MCF2L2: variants seen among roughly 807,000 people sequenced by gnomAD.
MCF2L2 encodes MCF.2 cell line derived transforming sequence-like 2, also known as probable guanine nucleotide exchange factor MCF2L2.
In MCF2L2, 102 loss-of-function variants were observed where a neutral mutation model predicts 150.2. The observed-to-expected ratio is 0.68, with a 90% CI of 0.58 to 0.80. MCF2L2 has a LOEUF of 0.80. Among genes scored for constraint, MCF2L2 ranks in the 30% least tolerant of loss-of-function variants. MCF2L2 has a pLI of 0.00. For synonymous variants in MCF2L2, 465 were observed against 491.3 expected, an observed-to-expected ratio of 0.95 and a Z score of 0.71; for missense variants, 1,256 against 1,372.8, an observed-to-expected ratio of 0.91 and a Z score of 1.34.
At chr3:183,347,109 T>C (rs755071747) in intron 3 of MCF2L2, among the ~76,000 whole-genome samples, 1 of 151,846 alleles carries the variant, frequency 6.6e-6, no homozygotes, top group African/African-American at 2.4e-5. Context: ...AAGACAATCC[T>C]AGCCAAAACA....
At chr3:183,192,834 T>C (rs1376927247) in intron 27 of MCF2L2, 165 bp downstream of exon 27, 5 of 561,604 alleles carry the variant, frequency 8.9e-6, no homozygotes, top group Non-Finnish European at 1.6e-5. Flanking sequence ...CACAAATGAA[T>C]AGCAGGAAAT....
At chr3:183,213,657 T>C (rs75677427) in intron 22 of MCF2L2, among the ~76,000 whole-genome samples, 2 of 152,058 alleles carry the variant, frequency 1.3e-5, no homozygotes, top group African/African-American at 4.8e-5. Context: ...TTAGAGGCAG[T>C]TGTCAGTCAA....
chr3:183,409,828 T>A (rs1006240178), intron 1 of MCF2L2, among the ~76,000 whole-genome samples: 33 of 152,200 alleles, frequency 2.2e-4, no homozygotes, highest in African/African-American at 8.0e-4. Context: ...AGTGCTAGGA[T>A]TACAAGCGTG....
At chr3:183,370,077 A>T (rs1223372022) in intron 3 of MCF2L2, among the ~76,000 whole-genome samples, 1 of 152,164 alleles carries the variant, frequency 6.6e-6, no homozygotes, top group East Asian at 1.9e-4. Flanking sequence ...GAGGCAGCCA[A>T]ATGCCCAGGC....
chr3:183,245,612 G>C (rs1011589504), intron 15 of MCF2L2, among the ~76,000 whole-genome samples: 1 of 151,972 alleles, frequency 6.6e-6, no homozygotes, highest in Non-Finnish European at 1.5e-5. Flanking sequence ...CTGAGGGCTC[G>C]GTCTCAATAC....
intron 13 of MCF2L2, among the ~76,000 whole-genome samples, chr3:183,292,844 G>T (rs1435087987): frequency 1.3e-5 from 2 of 151,912 alleles, no homozygotes; most frequent in African/African-American, 4.8e-5. Context: ...TCCCCAGTCT[G>T]GTGAAAAACA....
chr3:183,179,200 C>G lies in MCF2L2; in HGVS notation c.*180G>C. The G allele has an allele frequency of 1.2e-6, 1 of 819,968 alleles. No individual in the cohort carries two copies. The highest frequency in any genetic ancestry group is 1.7e-6 in the Non-Finnish European group (1 of 588,598). 50.8% of individuals were successfully genotyped at this position (819,968 alleles called of 1,614,324 possible). A position where few individuals can be genotyped will look rare whatever the true frequency, so the allele number is the denominator to read the frequency against. On this transcript the variant is annotated 3_prime_UTR_variant, in exon 30 of 30. Transcript: ENST00000328913. This position sits in a 1 kb window ranked among gnomAD's most constrained non-coding sequence, Gnocchi z 4.2. ...CAGCTCCGAGGTCCCCCGTGCGGAG[C>G]TAGGCGCGCACCCAGGACACCCCTC...
chr3:183,202,529 C>T (rs1722325681), intron 25 of MCF2L2, among the ~76,000 whole-genome samples: 1 of 152,212 alleles, frequency 6.6e-6, no homozygotes, highest in East Asian at 1.9e-4. Flanking sequence ...GAAAGCTAGG[C>T]TAGAACTGTC....
intron 15 of MCF2L2, among the ~76,000 whole-genome samples, chr3:183,247,427 A>G (rs1724308060): frequency 2.0e-5 from 3 of 152,230 alleles, no homozygotes; most frequent in Admixed American, 1.3e-4. Flanking sequence ...ATATAACAAG[A>G]CATGGTATGA....
At chr3:183,425,734 C>T (rs1409979437) in intron 1 of MCF2L2, among the ~76,000 whole-genome samples, 2 of 152,160 alleles carry the variant, frequency 1.3e-5, no homozygotes, top group Admixed American at 1.3e-4. Flanking sequence ...AGACGGATCA[C>T]CCGAGGTCAG....
chr3:183,342,587 A>G (rs1357201643), intron 3 of MCF2L2, among the ~76,000 whole-genome samples: 1 of 151,744 alleles, frequency 6.6e-6, no homozygotes, highest in South Asian at 2.1e-4. Context: ...ATAATAAAAT[A>G]GTATCTACCT....
intron 21 of MCF2L2, among the ~76,000 whole-genome samples, chr3:183,216,409 T>C (rs999627544): frequency 7.0e-6 from 1 of 142,762 alleles, no homozygotes; most frequent in Non-Finnish European, 1.5e-5. Context: ...ATTCTATATG[T>C]TTCTTATGTG....
intron 22 of MCF2L2, 112 bp downstream of exon 22, chr3:183,215,857 T>G: frequency 7.6e-7 from 1 of 1,310,848 alleles, no homozygotes; most frequent in African/African-American, 1.5e-5. Context: ...GTCCTCAGAG[T>G]CCAATTCCTT....
chr3:183,223,472 A>G (rs1179512777), intron 19 of MCF2L2, 34 bp from the exon 20 acceptor site: 1 of 1,473,472 alleles, frequency 6.8e-7, no homozygotes, highest in Non-Finnish European at 9.5e-7. Context: ...CATAAAGCAA[A>G]ACAAACAACA....
intron 3 of MCF2L2, chr3:183,374,848 G>C (rs1713103612): frequency 6.6e-6 from 1 of 152,060 alleles, no homozygotes. Context: ...TCTATCTGTA[G>C]CAACTGTACC....
chr3:183,337,552 C>CAA (rs61184812), intron 5 of MCF2L2, among the ~76,000 whole-genome samples: 3,230 of 71,858 alleles, frequency 0.045, 252 homozygotes, highest in African/African-American at 0.14. Context: ...GACTCCATCT[C>CAA]AAAAAAAAAA....
chr3:183,218,001 T>C (rs921247313), intron 21 of MCF2L2, among the ~76,000 whole-genome samples: 1 of 152,160 alleles, frequency 6.6e-6, no homozygotes, highest in African/African-American at 2.4e-5. Context: ...CATAAAAAAA[T>C]TTTGGTTTAT....
intron 3 of MCF2L2, among the ~76,000 whole-genome samples, chr3:183,360,090 G>A (rs1410506310): frequency 6.6e-6 from 1 of 152,194 alleles, no homozygotes; most frequent in Non-Finnish European, 1.5e-5. Flanking sequence ...TGTTAACACT[G>A]CAGAAAAACG....
intron 3 of MCF2L2, among the ~76,000 whole-genome samples, chr3:183,368,547 C>G (rs7638843): frequency 6.6e-4 from 101 of 152,076 alleles, no homozygotes; most frequent in South Asian, 2.9e-3. Flanking sequence ...GCAAATCACT[C>G]GAGGTCAGGA....
Sources: allele counts gnomAD v4.1 joint callset (sites outside exome capture counted in the v4.1 genomes callset), GRCh38; gene constraint gnomAD v4.1.1; non-coding constraint Gnocchi (gnomAD v3.1); transcripts MANE v1.5; gene names NCBI Gene and HGNC (gene_info 2026-07-23, HGNC 2026-07-21).